Variants in FGGY observed in about 807,000 individuals in gnomAD.
FGGY encodes the protein FGGY carbohydrate kinase domain containing.
In FGGY, 72 loss-of-function variants were observed where a neutral mutation model predicts 71.3. The observed-to-expected ratio is 1.01, with a 90% CI of 0.84 to 1.23. The LOEUF (loss-of-function observed/expected upper bound fraction) is 1.23. FGGY is among the 50% of genes most tolerant of loss of function. The pLI, the probability that FGGY is intolerant of heterozygous loss-of-function variation, is 0.00. For synonymous variants in FGGY, 251 were observed against 250.3 expected, an observed-to-expected ratio of 1.00 and a Z score of -0.02; for missense variants, 668 against 682.3, an observed-to-expected ratio of 0.98 and a Z score of 0.23.
At position 59,472,157 on chromosome 1, in the gene FGGY, G is replaced by A. The variant is rs1024688916; in HGVS notation, c.670+15081G>A. On this transcript the variant is annotated intron_variant, in intron 6 of 15. Coordinates refer to ENST00000303721, the MANE Select transcript of FGGY (RefSeq NM_018291.5). ...AGGCGCGGGCGGGAACCGGGGCTGC[G>A]CGCAGTGCTTGCGGGCCAGCGTGAG... Among the ~76,000 whole-genome samples the A allele has an allele frequency of 5.3e-5, 8 of 152,202 alleles. No homozygotes were observed. The East Asian group carries it at 7.7e-4, about 15-fold the overall frequency.
At chr1:59,466,407 A>G (rs1442584748) in intron 6 of FGGY, among the ~76,000 whole-genome samples, 2 of 152,234 alleles carry the variant, frequency 1.3e-5, no homozygotes, top group Non-Finnish European at 2.9e-5. Context: ...AAACCCTAGA[A>G]GAAAACCTAG....
intron 6 of FGGY, among the ~76,000 whole-genome samples, chr1:59,511,404 C>T (rs931521062): frequency 7.9e-5 from 12 of 152,190 alleles, no homozygotes; most frequent in African/African-American, 2.9e-4. Context: ...TATGAGTCAA[C>T]TCCTAGCCCC....
At chr1:59,571,100 T>C (rs2095977717) in intron 8 of FGGY, among the ~76,000 whole-genome samples, 1 of 152,204 alleles carries the variant, frequency 6.6e-6, no homozygotes, top group Admixed American at 6.5e-5. Context: ...TAGTGGAACA[T>C]TGGTGATGCT....
intron 2 of FGGY, among the ~76,000 whole-genome samples, chr1:59,332,911 A>G (rs1450627312): frequency 6.6e-6 from 1 of 152,198 alleles, no homozygotes; most frequent in Non-Finnish European, 1.5e-5. Flanking sequence ...CATGAACACA[A>G]TAAGGCATTG....
At chr1:59,375,580 G>A (rs185390305) in intron 4 of FGGY, among the ~76,000 whole-genome samples, 1 of 152,300 alleles carries the variant, frequency 6.6e-6, no homozygotes, top group East Asian at 1.9e-4. Context: ...TCCAGTTCCT[G>A]TTATGTGAGG....
At chr1:59,419,137 G>A (rs1477577685) in intron 5 of FGGY, among the ~76,000 whole-genome samples, 1 of 152,170 alleles carries the variant, frequency 6.6e-6, no homozygotes, top group African/African-American at 2.4e-5. Context: ...GTTGGTGGTG[G>A]TGGTTGTGGT....
intron 3 of FGGY, among the ~76,000 whole-genome samples, chr1:59,342,582 A>G (rs1292004016): frequency 6.6e-6 from 1 of 152,194 alleles, no homozygotes; most frequent in African/African-American, 2.4e-5. Context: ...AACAGATTGT[A>G]TTAAGGTTAG....
chr1:59,373,042 G>T (rs867688497), intron 4 of FGGY, among the ~76,000 whole-genome samples: 152 of 152,210 alleles, frequency 1.0e-3, no homozygotes, highest in African/African-American at 3.6e-3. Context: ...TCAACATAGT[G>T]TTGGAAGTTC....
At chr1:59,600,190 A>G (rs2096563541) in intron 8 of FGGY, among the ~76,000 whole-genome samples, 1 of 152,196 alleles carries the variant, frequency 6.6e-6, no homozygotes, top group Non-Finnish European at 1.5e-5. Context: ...AATAGTTGGA[A>G]ACAGGAAGAC....
Position 59,587,638 on chromosome 1 carries a change from C to T in FGGY, c.904-20165C>T, listed in dbSNP as rs183451141. On this transcript the variant is annotated intron_variant, in intron 8 of 15. Transcript: ENST00000303721. ...ATCAGACAGCTGCATTCGCGGTTCA[C>T]GATAATCCCCTGTTCTGCAGCCACT... Among the ~76,000 whole-genome samples the T allele has an allele frequency of 5.1e-3, 769 of 152,248 alleles. 8 individuals are homozygous for T. Among genetic ancestry groups the T allele is most frequent in the African/African-American group, 0.017 (709 of 41,550 alleles).
intron 7 of FGGY, among the ~76,000 whole-genome samples, chr1:59,516,095 ATG>A (rs1209587927): frequency 1.1e-4 from 17 of 152,206 alleles, no homozygotes; most frequent in African/African-American, 3.9e-4. Flanking sequence ...ATGCCTTCTT[ATG>A]CCTTCTTATG....
chr1:59,664,719 A>G (rs191865621), intron 12 of FGGY, among the ~76,000 whole-genome samples: 1 of 152,326 alleles, frequency 6.6e-6, no homozygotes, highest in East Asian at 1.9e-4. Flanking sequence ...AGTGCCTAGC[A>G]TATAGTTGAT....
At chr1:59,566,462 C>T (rs748853870) in intron 8 of FGGY, among the ~76,000 whole-genome samples, 2 of 152,096 alleles carry the variant, frequency 1.3e-5, no homozygotes, top group East Asian at 1.9e-4. Context: ...GTAGTTTCTA[C>T]TCTTTCACTT....
At chr1:59,695,129 A>G (rs762962820) in intron 14 of FGGY, among the ~76,000 whole-genome samples, 9 of 152,238 alleles carry the variant, frequency 5.9e-5, no homozygotes, top group Non-Finnish European at 1.0e-4. Context: ...AAAGAGTTCT[A>G]TATGTGGCAG....
At chr1:59,456,903 T>C (rs1468547810) in intron 5 of FGGY, 58 bp from the exon 6 acceptor site, 3 of 1,302,094 alleles carry the variant, frequency 2.3e-6, no homozygotes, top group African/African-American at 1.5e-5. Context: ...TTTTGCAAAA[T>C]ATAAAGGAAG....
At chr1:59,576,675 CAG>C (rs201874396) in intron 8 of FGGY, among the ~76,000 whole-genome samples, 11,903 of 130,652 alleles carry the variant, frequency 0.091, 574 homozygotes, top group South Asian at 0.16. Context: ...GACAGACAGA[CAG>C]ACACACACAC....
chr1:59,637,100 G>A (rs375518975), intron 10 of FGGY, among the ~76,000 whole-genome samples: 1 of 152,196 alleles, frequency 6.6e-6, no homozygotes, highest in East Asian at 1.9e-4. Flanking sequence ...GTCATGTGGT[G>A]TGATTTAACC....
intron 1 of FGGY, among the ~76,000 whole-genome samples, chr1:59,316,716 C>T (rs563028730): frequency 6.6e-6 from 1 of 152,216 alleles, no homozygotes; most frequent in South Asian, 2.1e-4. Flanking sequence ...CAGTCCAGTC[C>T]ATGCTGAGGA....
chr1:59,656,738 A>G (rs2097221664), intron 11 of FGGY, among the ~76,000 whole-genome samples: 3 of 152,224 alleles, frequency 2.0e-5, no homozygotes, highest in Non-Finnish European at 4.4e-5. Context: ...ATTATGATCC[A>G]TGCAAGAAAT....
Sources: gnomAD v4.1 joint callset for allele counts (sites outside exome capture counted in the v4.1 genomes callset) on GRCh38, gnomAD v4.1.1 for gene constraint, MANE v1.5 for transcripts, NCBI Gene and HGNC (gene_info 2026-07-23, HGNC 2026-07-21) for gene names.